RALGAPA1: variants seen among roughly 807,000 people sequenced by gnomAD.
The protein encoded by RALGAPA1 is Ral GTPase activating protein catalytic subunit alpha 1.
RALGAPA1 carries 52 observed loss-of-function variants against 269.6 expected under a neutral mutation model. The observed-to-expected ratio is 0.19, with a 90% CI of 0.15 to 0.24. The LOEUF (loss-of-function observed/expected upper bound fraction) is 0.24. Ranked by LOEUF, RALGAPA1 falls within the 10% of genes least tolerant of loss-of-function variation. The pLI is 1.00. For missense variants in RALGAPA1, 1,917 were observed against 3,013.9 expected (o/e 0.64, Z 8.52); for synonymous variants, 817 against 1,008.3 (o/e 0.81, Z 3.60).
chr14:35,702,019 G>T (rs1331185440), intron 16 of RALGAPA1, among the ~76,000 whole-genome samples: 3 of 152,030 alleles, frequency 2.0e-5, no homozygotes, highest in African/African-American at 7.2e-5. Flanking sequence ...AAACAAACAA[G>T]AATTCCCACT....
At chr14:35,664,034 G>T (rs2063746347) in intron 27 of RALGAPA1, among the ~76,000 whole-genome samples, 1 of 152,064 alleles carries the variant, frequency 6.6e-6, no homozygotes. Context: ...AAAACATTTT[G>T]AAGACTTATA....
Position 35,657,680 on chromosome 14 carries a change from T to C in RALGAPA1, c.5387+1458A>G, listed in dbSNP as rs537968321. On this transcript the variant is annotated intron_variant, in intron 28 of 41. Transcript: ENST00000680220. ...ATTCTTCCACTTGAGAAGCAACATA[T>C]ATATATATATTTTTTTTTTTTTTTG... is the stretch of plus-strand genomic sequence containing the variant. Among the ~76,000 whole-genome samples the C allele has an allele frequency of 1.5e-3, 208 of 137,530 alleles. 1 individual carries two copies. In the South Asian group the frequency reaches 0.021, roughly 14 times the overall value. The allele number at this position is 137,530 out of a possible 152,430, so 90.2% of individuals were successfully genotyped here. A position where few individuals can be genotyped will look rare whatever the true frequency, so the allele number is the denominator to read the frequency against.
At chr14:35,797,634 T>C (rs1316564698) in intron 1 of RALGAPA1, among the ~76,000 whole-genome samples, 1 of 151,662 alleles carries the variant, frequency 6.6e-6, no homozygotes, top group Non-Finnish European at 1.5e-5. Context: ...TCACCTGAGG[T>C]CTGGAGTTCG....
chr14:35,685,083 A>G lies in RALGAPA1; in HGVS notation c.4140T>C (p.Ile1380=). ...GGCGCATCTGGTTCTGCTTGTTTAG[A>G]ATATCAGGGAGGTCTTTGGGAATTT... ...SLEIPKDLPD[I]LNKQNQMRPI... The change falls in exon 20 of 42, where the codon ATT becomes ATC. Residue 1380 remains isoleucine (I), a synonymous_variant. Transcript: ENST00000680220. The G allele has an allele frequency of 6.3e-7, 1 of 1,581,968 alleles. No homozygotes were observed. The highest frequency in any genetic ancestry group is 8.6e-7 in the Non-Finnish European group (1 of 1,163,118).
chr14:35,569,175 G>A (rs2056958525), intron 39 of RALGAPA1, among the ~76,000 whole-genome samples: 1 of 152,064 alleles, frequency 6.6e-6, no homozygotes, highest in Non-Finnish European at 1.5e-5. Flanking sequence ...GTCAAAAGAA[G>A]AAAATGTACG....
chr14:35,719,790 C>T (rs1026089996), intron 16 of RALGAPA1, among the ~76,000 whole-genome samples: 2 of 151,690 alleles, frequency 1.3e-5, no homozygotes, highest in Non-Finnish European at 2.9e-5. Flanking sequence ...CTCCCTCTGT[C>T]GCTCCCTCTG....
chr14:35,639,645 A>C (rs2061880421), intron 31 of RALGAPA1, among the ~76,000 whole-genome samples: 1 of 152,214 alleles, frequency 6.6e-6, no homozygotes, highest in Non-Finnish European at 1.5e-5. Context: ...ACACTTAGGA[A>C]TTAAACAATA....
At chr14:35,775,821 T>G in intron 1 of RALGAPA1, 76 bp from the exon 2 acceptor site, 1 of 1,339,286 alleles carries the variant, frequency 7.5e-7, no homozygotes. Flanking sequence ...GCGACAAGTT[T>G]CCTTCAAAGT....
chr14:35,640,184 A>G (rs190797545), intron 31 of RALGAPA1, among the ~76,000 whole-genome samples: 1 of 152,260 alleles, frequency 6.6e-6, no homozygotes, highest in Non-Finnish European at 1.5e-5. Context: ...GAACCAGAAA[A>G]GCAAGAGCAA....
In RALGAPA1 at chr14:35,746,338, G is replaced by A. The variant is rs1309146303; in HGVS notation, c.1251+2247C>T. On this transcript the variant is annotated intron_variant, in intron 10 of 41. Transcript: ENST00000680220. ...ACAGGTTCTGGATATCTAGCATGGT[G>A]ACTATAGTTAATAATCCCATATTTT... 2.6e-5 allele frequency among the ~76,000 whole-genome samples: 4 copies of A among 152,214 alleles called. No homozygotes were observed. In the East Asian group the frequency reaches 7.7e-4, roughly 29 times the overall value.
At chr14:35,691,657 T>C (rs1350063593) in intron 17 of RALGAPA1, among the ~76,000 whole-genome samples, 2 of 152,184 alleles carry the variant, frequency 1.3e-5, no homozygotes, top group Non-Finnish European at 2.9e-5. Flanking sequence ...CATGCTACTA[T>C]GGCTGAAAAA....
At chr14:35,567,475 G>A (rs2056809358) in intron 39 of RALGAPA1, among the ~76,000 whole-genome samples, 1 of 152,044 alleles carries the variant, frequency 6.6e-6, no homozygotes, top group Non-Finnish European at 1.5e-5. Context: ...TTCTGAGATG[G>A]TTATTAGCAT....
intron 17 of RALGAPA1, among the ~76,000 whole-genome samples, chr14:35,695,751 A>G (rs1375403374): frequency 1.3e-5 from 2 of 152,166 alleles, no homozygotes; most frequent in Admixed American, 6.5e-5. Flanking sequence ...TTTTTTCACT[A>G]AAGTGTTACT....
In RALGAPA1 at chr14:35,689,411, C is replaced by A. The variant is rs1211237748; in HGVS notation, c.3000G>T (p.Gly1000=). The A allele has an allele frequency of 3.2e-6, 4 of 1,231,996 alleles. No individual in the cohort carries two copies. The highest frequency in any genetic ancestry group is 3.0e-6 in the Non-Finnish European group (3 of 988,018). 76.3% of individuals were successfully genotyped at this position (1,231,996 alleles called of 1,614,324 possible). A position where few individuals can be genotyped will look rare whatever the true frequency, so the allele number is the denominator to read the frequency against. Residue 1000 remains glycine, a synonymous_variant, in exon 18 of 42, where the codon GGG becomes GGT. Transcript: ENST00000680220. ...TESENITSFV[G]TPENLQFQKE... ...TCTGAAACTGTAGGTTTTCAGGAGT[C>A]CCAACAAAAGAGGTGATATTTTCTG...
At chr14:35,660,880 C>T (rs935420692) in intron 27 of RALGAPA1, among the ~76,000 whole-genome samples, 1 of 152,124 alleles carries the variant, frequency 6.6e-6, no homozygotes, top group Non-Finnish European at 1.5e-5. Flanking sequence ...AAGACAAATA[C>T]TGCATGTTCT....
chr14:35,713,539 G>C (rs996536809), intron 16 of RALGAPA1, among the ~76,000 whole-genome samples: 12 of 152,172 alleles, frequency 7.9e-5, no homozygotes, highest in Non-Finnish European at 1.2e-4. Context: ...CCTTCTCAAT[G>C]ATGAGGAGGA....
At chr14:35,763,063 T>A (rs1048175380) in intron 4 of RALGAPA1, among the ~76,000 whole-genome samples, 1 of 152,212 alleles carries the variant, frequency 6.6e-6, no homozygotes, top group African/African-American at 2.4e-5. Flanking sequence ...AATACTTTTA[T>A]CACTATCCAA....
At chr14:35,740,284 C>T (rs189196850) in intron 11 of RALGAPA1, among the ~76,000 whole-genome samples, 1 of 152,270 alleles carries the variant, frequency 6.6e-6, no homozygotes, top group African/African-American at 2.4e-5. Context: ...CATGTTTCTA[C>T]CTCCAACACT....
chr14:35,569,009 A>C (rs1255038774), intron 39 of RALGAPA1, among the ~76,000 whole-genome samples: 3 of 152,220 alleles, frequency 2.0e-5, no homozygotes, highest in Non-Finnish European at 4.4e-5. Context: ...TTCAGTTTAA[A>C]GTAAGTGAAG....
Sources: allele counts gnomAD v4.1 joint callset (sites outside exome capture counted in the v4.1 genomes callset), GRCh38; gene constraint gnomAD v4.1.1; transcripts MANE v1.5; gene names NCBI Gene and HGNC (gene_info 2026-07-23, HGNC 2026-07-21).